Variants in TMTC2 observed in about 807,000 individuals in gnomAD.
TMTC2 encodes protein O-mannosyl-transferase TMTC2.
A neutral mutation model predicts 82.4 loss-of-function variants in TMTC2; 43 were observed. The observed-to-expected ratio is 0.52, with a 90% CI of 0.41 to 0.67. TMTC2 has a LOEUF of 0.67. Ranked by LOEUF, TMTC2 falls within the 30% of genes least tolerant of loss-of-function variation. The probability of loss-of-function intolerance (pLI) is 0.00; values close to 1 mark genes in which losing one functional copy is unlikely to be tolerated. For synonymous variants in TMTC2, 408 were observed against 381.9 expected, an observed-to-expected ratio of 1.07 and a Z score of -0.80; for missense variants, 919 against 1,012.4, an observed-to-expected ratio of 0.91 and a Z score of 1.25.
intron 8 of TMTC2, among the ~76,000 whole-genome samples, chr12:83,005,048 AC>A (rs66892047): frequency 0.56 from 83,691 of 150,596 alleles, 25,505 homozygotes; most frequent in East Asian, 0.84. Context: ...TACTAAAAAT[AC>A]AAAAATTAGC....
chr12:83,066,835 G>A (rs1255255086), intron 11 of TMTC2, among the ~76,000 whole-genome samples: 3 of 151,914 alleles, frequency 2.0e-5, no homozygotes, highest in Admixed American at 1.3e-4. Flanking sequence ...TAATCAGAGG[G>A]CTTTATTCTA....
In TMTC2 at chr12:82,751,232, T is replaced by A. The variant is rs540074152; in HGVS notation, c.83+63563T>A. ...ATAAAAAATGATGAGTTCATGTCCT[T>A]TGTAGGGACGTGGATGAAATTGGAA... On this transcript the variant is annotated intron_variant, in intron 1 of 11. Coordinates refer to ENST00000321196, the MANE Select transcript of TMTC2 (RefSeq NM_152588.3). 3.3e-5 allele frequency among the ~76,000 whole-genome samples: 5 copies of A among 152,260 alleles called. No homozygotes were observed. The South Asian group carries it at 1.0e-3, about 32-fold the overall frequency.
chr12:83,034,251 A>G (rs1367570086), intron 9 of TMTC2, among the ~76,000 whole-genome samples: 1 of 152,154 alleles, frequency 6.6e-6, no homozygotes, highest in Non-Finnish European at 1.5e-5. Context: ...AGCATCTTTG[A>G]GAATATGATA....
chr12:82,999,829 A>C (rs1879835153), intron 8 of TMTC2, among the ~76,000 whole-genome samples: 1 of 152,164 alleles, frequency 6.6e-6, no homozygotes, highest in African/African-American at 2.4e-5. Flanking sequence ...GAGCCAAACC[A>C]TATCATTCTG....
chr12:82,714,979 G>A (rs1873822764), intron 1 of TMTC2, among the ~76,000 whole-genome samples: 1 of 151,926 alleles, frequency 6.6e-6, no homozygotes, highest in South Asian at 2.1e-4. Flanking sequence ...AATAGAAAAG[G>A]CATACAAATC....
At chr12:82,908,528 A>G (rs536787589) in intron 3 of TMTC2, among the ~76,000 whole-genome samples, 2 of 152,208 alleles carry the variant, frequency 1.3e-5, no homozygotes, top group South Asian at 4.2e-4. Context: ...TCCTAGATTA[A>G]GCCCAGGAAT....
chr12:83,121,828 G>A (rs10862587), intron 11 of TMTC2, among the ~76,000 whole-genome samples: 30,035 of 151,966 alleles, frequency 0.2, 3,022 homozygotes, highest in Middle Eastern at 0.31. Flanking sequence ...GTATTGCTGC[G>A]ACTGCTGTTG....
chr12:82,980,526 T>A (rs1482051236), intron 7 of TMTC2, among the ~76,000 whole-genome samples: 1 of 151,762 alleles, frequency 6.6e-6, no homozygotes, highest in East Asian at 1.9e-4. Context: ...GGCAATGAGA[T>A]GCTTTCAGTG....
chr12:82,880,872 A>C (rs1872787562), intron 2 of TMTC2, among the ~76,000 whole-genome samples: 1 of 149,594 alleles, frequency 6.7e-6, no homozygotes, highest in Non-Finnish European at 1.5e-5. Flanking sequence ...GTGTAAGTTC[A>C]GTTTATTTAA....
chr12:82,979,054 A>G (rs1454415348), intron 7 of TMTC2, among the ~76,000 whole-genome samples: 4 of 150,520 alleles, frequency 2.7e-5, no homozygotes, highest in Admixed American at 6.6e-5. Context: ...CCATCCCTTT[A>G]TTTTCAGTCT....
At position 82,732,122 on chromosome 12, in the gene TMTC2, A is replaced by T. The variant is rs145743541; in HGVS notation, c.83+44453A>T. ...TTACAGGTGTTATATTTCAAACAGAATTAAGTACTTATGTATTTAAAAATT... is the reference window on the plus strand; with the variant it reads ...TTACAGGTGTTATATTTCAAACAGATTTAAGTACTTATGTATTTAAAAATT... On this transcript the variant is annotated intron_variant, in intron 1 of 11. Transcript: ENST00000321196. Among the ~76,000 whole-genome samples the T allele has an allele frequency of 4.4e-3, 668 of 152,344 alleles. 4 individuals are homozygous for T. Among genetic ancestry groups the T allele is most frequent in the African/African-American group, 0.015 (609 of 41,572 alleles).
chr12:82,955,608 TA>T (rs2137286404), intron 4 of TMTC2, among the ~76,000 whole-genome samples: 1 of 152,312 alleles, frequency 6.6e-6, no homozygotes, highest in East Asian at 1.9e-4. Context: ...TAAAAGGATT[TA>T]AAAGACAACA....
Position 82,965,595 on chromosome 12 carries a change from C to G in TMTC2, c.1720C>G (p.Gln574Glu). ...YLNTGIILMN[Q>E]GRTEEARRTF... is the part of the protein sequence containing the mutation. ...AAATACCGGTATTATTCTAATGAAC[C>G]AAGGAAGGACGGAAGAAGCCCGACG... Residue 574 changes from glutamine to glutamate, a missense_variant, in exon 6 of 12, where the codon CAA becomes GAA. By Grantham distance (29) the Gln-to-Glu change is conservative (BLOSUM62 2). Transcript: ENST00000321196. The G allele has an allele frequency of 6.2e-7, 1 of 1,613,634 alleles. No individual in the cohort carries two copies. The highest frequency in any genetic ancestry group is 2.2e-5 in the East Asian group (1 of 44,878).
In TMTC2 at chr12:82,939,121, T is replaced by C. The variant is rs545906532; in HGVS notation, c.1598+8576T>C. ...ACTATATTGCTTCATTTTCCATTTT[T>C]CTAATTACAAGTGCAGTTGAGTAAT... On this transcript the variant is annotated intron_variant, in intron 4 of 11. Transcript: ENST00000321196. Among the ~76,000 whole-genome samples the C allele has an allele frequency of 5.3e-5, 8 of 152,324 alleles. No homozygotes were observed. The South Asian group carries it at 1.7e-3, about 32-fold the overall frequency.
intron 1 of TMTC2, among the ~76,000 whole-genome samples, chr12:82,701,787 T>C (rs1030716570): frequency 6.6e-6 from 1 of 151,614 alleles, no homozygotes; most frequent in African/African-American, 2.4e-5. Context: ...AAAAAGAATA[T>C]TAATCTCTCT....
chr12:82,802,693 G>A (rs1256903856), intron 1 of TMTC2, among the ~76,000 whole-genome samples: 1 of 152,176 alleles, frequency 6.6e-6, no homozygotes, highest in Non-Finnish European at 1.5e-5. Flanking sequence ...ATATAGAAAA[G>A]TGAATTGCTG....
chr12:83,050,864 A>C (rs1297794537), intron 9 of TMTC2, 40 bp from the exon 10 acceptor site: 2 of 1,412,232 alleles, frequency 1.4e-6, no homozygotes, highest in Non-Finnish European at 2.0e-6. Flanking sequence ...GTTTCATGGG[A>C]TTTTCTGAGT....
chr12:82,816,706 A>AT (rs1374104023), intron 1 of TMTC2, among the ~76,000 whole-genome samples: 3 of 152,122 alleles, frequency 2.0e-5, no homozygotes, highest in Non-Finnish European at 4.4e-5. Context: ...TTTTTGGCCT[A>AT]TAGTGCTCTC....
At chr12:83,019,040 G>A (rs1330951926) in intron 8 of TMTC2, among the ~76,000 whole-genome samples, 1 of 152,070 alleles carries the variant, frequency 6.6e-6, no homozygotes, top group Non-Finnish European at 1.5e-5. Flanking sequence ...CACCCAGGAG[G>A]AAAAAGACTC....
Sources: gnomAD v4.1 joint callset for allele counts (sites outside exome capture counted in the v4.1 genomes callset) on GRCh38, gnomAD v4.1.1 for gene constraint, MANE v1.5 for transcripts, NCBI Gene and HGNC (gene_info 2026-07-23, HGNC 2026-07-21) for gene names.